The following MAGI1 variants were observed in gnomAD, a reference collection of about 807,000 sequenced individuals.
MAGI1 encodes the protein membrane-associated guanylate kinase, WW and PDZ domain-containing protein 1.
Under a neutral mutation model 139.9 loss-of-function variants are expected in MAGI1, and 58 were observed. The observed-to-expected ratio is 0.41, with a 90% CI of 0.34 to 0.52. The LOEUF (loss-of-function observed/expected upper bound fraction) is 0.52, where lower values mean the gene tolerates loss of function less well. MAGI1 is among the 20% of genes least tolerant of loss of function. MAGI1 has a pLI of 0.12. For missense variants in MAGI1, 1,874 were observed against 1,901.6 expected (o/e 0.99, Z 0.27); for synonymous variants, 812 against 737.9 (o/e 1.10, Z -1.63).
At chr3:65,874,230 G>A (rs1401438949) in intron 1 of MAGI1, 1 of 152,012 alleles carries the variant, frequency 6.6e-6, no homozygotes, top group African/African-American at 2.4e-5. Context: ...TGGTTGTAGT[G>A]AGCCGAAATC....
chr3:65,368,311 C>T (rs1479161764), intron 18 of MAGI1, among the ~76,000 whole-genome samples: 1 of 152,146 alleles, frequency 6.6e-6, no homozygotes, highest in Non-Finnish European at 1.5e-5. Flanking sequence ...CCAGAAAGTA[C>T]CCAACATCCT....
chr3:65,983,759 T>C (rs183195912), intron 1 of MAGI1, among the ~76,000 whole-genome samples: 10 of 152,272 alleles, frequency 6.6e-5, no homozygotes, highest in Admixed American at 5.2e-4. Context: ...CAATGGCCGC[T>C]TCCAGGGTGG....
intron 2 of MAGI1, among the ~76,000 whole-genome samples, chr3:65,526,175 C>T (rs2078369459): frequency 3.3e-5 from 5 of 152,114 alleles, no homozygotes; most frequent in South Asian, 4.1e-4. Context: ...GGGATATATG[C>T]TTGTTTCACT....
intron 1 of MAGI1, among the ~76,000 whole-genome samples, chr3:65,842,685 A>G (rs1453201196): frequency 1.3e-5 from 2 of 152,158 alleles, no homozygotes; most frequent in East Asian, 1.9e-4. Context: ...CTAACATAAA[A>G]TTTAATCTGG....
chr3:65,460,722 T>C (rs1259177509), intron 5 of MAGI1, among the ~76,000 whole-genome samples: 7 of 151,978 alleles, frequency 4.6e-5, no homozygotes, highest in Non-Finnish European at 2.9e-5. Flanking sequence ...ACAGGTCCCC[T>C]AGTGTGTGAT....
chr3:65,443,594 T>C (rs1382930757), intron 7 of MAGI1, among the ~76,000 whole-genome samples: 1 of 152,194 alleles, frequency 6.6e-6, no homozygotes, highest in African/African-American at 2.4e-5. Flanking sequence ...ATTAAACAGG[T>C]AATAGTTCTG....
intron 9 of MAGI1, 39 bp downstream of exon 9, chr3:65,439,840 T>C: frequency 6.2e-7 from 1 of 1,605,856 alleles, no homozygotes; most frequent in East Asian, 2.2e-5. Flanking sequence ...CACCCCATGC[T>C]CCCCTGATCA....
chr3:65,712,538 A>T (rs2031615637), intron 1 of MAGI1, among the ~76,000 whole-genome samples: 1 of 151,632 alleles, frequency 6.6e-6, no homozygotes, highest in Non-Finnish European at 1.5e-5. Context: ...GTTGAGACAG[A>T]GTTTCACTCC....
intron 1 of MAGI1, among the ~76,000 whole-genome samples, chr3:65,937,586 G>A (rs533525729): frequency 4.0e-4 from 61 of 152,298 alleles, no homozygotes; most frequent in African/African-American, 1.5e-3. Context: ...GGGTGCATGT[G>A]TGTTTGCTAG....
intron 2 of MAGI1, among the ~76,000 whole-genome samples, chr3:65,511,817 T>C (rs1295495559): frequency 7.4e-6 from 1 of 134,992 alleles, no homozygotes; most frequent in African/African-American, 2.8e-5. Flanking sequence ...AATAGACATC[T>C]ACAGAACTCT....
At chr3:65,709,772 C>T (rs1464146730) in intron 1 of MAGI1, among the ~76,000 whole-genome samples, 1 of 152,198 alleles carries the variant, frequency 6.6e-6, no homozygotes, top group East Asian at 1.9e-4. Flanking sequence ...CAGATTAAAA[C>T]TTGAAGATAT....
intron 1 of MAGI1, among the ~76,000 whole-genome samples, chr3:65,863,644 C>A (rs1284156204): frequency 6.6e-6 from 1 of 152,076 alleles, no homozygotes; most frequent in East Asian, 1.9e-4. Flanking sequence ...AGAACGTTGG[C>A]AAATTCAGAC....
At chr3:65,595,101 A>T (rs2082127129) in intron 2 of MAGI1, among the ~76,000 whole-genome samples, 1 of 152,176 alleles carries the variant, frequency 6.6e-6, no homozygotes, top group Non-Finnish European at 1.5e-5. Context: ...GTAAATATGG[A>T]GATCTTATTC....
intron 1 of MAGI1, among the ~76,000 whole-genome samples, chr3:65,869,886 GAC>G (rs923581274): frequency 2.6e-5 from 4 of 152,364 alleles, no homozygotes; most frequent in South Asian, 4.1e-4. Flanking sequence ...GAAGGCAAGA[GAC>G]ACATGTGCAG....
At chr3:65,684,520 G>A (rs900782074) in intron 1 of MAGI1, among the ~76,000 whole-genome samples, 6 of 152,148 alleles carry the variant, frequency 3.9e-5, no homozygotes, top group Non-Finnish European at 8.8e-5. Context: ...AGGGAGCCAG[G>A]GGAGAGATGG....
intron 1 of MAGI1, among the ~76,000 whole-genome samples, chr3:65,664,295 A>G (rs2086376433): frequency 6.6e-6 from 1 of 152,202 alleles, no homozygotes; most frequent in South Asian, 2.1e-4. Context: ...CACTATACTC[A>G]GGTTTACTGT....
At chr3:65,619,540 G>C (rs2083557995) in intron 2 of MAGI1, among the ~76,000 whole-genome samples, 1 of 152,084 alleles carries the variant, frequency 6.6e-6, no homozygotes, top group Non-Finnish European at 1.5e-5. Context: ...GGAAGTTCTG[G>C]AATATACAGA....
At chr3:65,539,780 C>G (rs2079127097) in intron 2 of MAGI1, among the ~76,000 whole-genome samples, 1 of 152,218 alleles carries the variant, frequency 6.6e-6, no homozygotes, top group Non-Finnish European at 1.5e-5. Context: ...AATATAAATA[C>G]AGTTTACATA....
intron 7 of MAGI1, among the ~76,000 whole-genome samples, chr3:65,445,827 C>G (rs567316858): frequency 6.6e-6 from 1 of 152,196 alleles, no homozygotes; most frequent in Non-Finnish European, 1.5e-5. Flanking sequence ...CAACTGCCCA[C>G]GCCTCTCAGA....
Sources: gnomAD v4.1 joint callset for allele counts (sites outside exome capture counted in the v4.1 genomes callset) on GRCh38, gnomAD v4.1.1 for gene constraint, MANE v1.5 for transcripts, NCBI Gene and HGNC (gene_info 2026-07-23, HGNC 2026-07-21) for gene names.